Variants in CLSTN2 observed in about 807,000 individuals in gnomAD.
CLSTN2 encodes calsyntenin-2.
A neutral mutation model predicts 101.2 loss-of-function variants in CLSTN2; 48 were observed. The observed-to-expected ratio is 0.47, with a 90% confidence interval of 0.38 to 0.60. The LOEUF (loss-of-function observed/expected upper bound fraction) is 0.60. Among genes scored for constraint, CLSTN2 ranks in the 20% least tolerant of loss-of-function variants. CLSTN2 has a pLI of 0.00. For missense variants in CLSTN2, 1,160 were observed against 1,238.2 expected (o/e 0.94, Z 0.95); for synonymous variants, 481 against 463.6 (o/e 1.04, Z -0.48).
intron 1 of CLSTN2, among the ~76,000 whole-genome samples, chr3:140,046,785 A>T (rs921249642): frequency 6.6e-6 from 1 of 151,814 alleles, no homozygotes; most frequent in Admixed American, 6.6e-5. Flanking sequence ...CTTAGTTTGG[A>T]CAGCTTTGGT....
intron 2 of CLSTN2, among the ~76,000 whole-genome samples, chr3:140,266,791 C>T (rs978490927): frequency 6.6e-6 from 1 of 152,150 alleles, no homozygotes; most frequent in African/African-American, 2.4e-5. Flanking sequence ...GAGACCCAAG[C>T]CGTGGGTCCA....
At chr3:140,108,612 C>G (rs962683176) in intron 1 of CLSTN2, among the ~76,000 whole-genome samples, 1 of 152,092 alleles carries the variant, frequency 6.6e-6, no homozygotes, top group Non-Finnish European at 1.5e-5. Context: ...CAAAATACTC[C>G]AGTCTCAAAT....
At chr3:140,353,637 A>G (rs1396313940) in intron 2 of CLSTN2, among the ~76,000 whole-genome samples, 2 of 152,212 alleles carry the variant, frequency 1.3e-5, no homozygotes, top group Admixed American at 6.5e-5. Context: ...AGTATTAACC[A>G]TCACACCAAT....
chr3:140,078,894 G>T (rs1367428564), intron 1 of CLSTN2, among the ~76,000 whole-genome samples: 1 of 152,140 alleles, frequency 6.6e-6, no homozygotes, highest in Non-Finnish European at 1.5e-5. Flanking sequence ...GTTGATCAAA[G>T]CTAAAGTTTT....
chr3:140,443,164 T>G (rs1932997944), intron 5 of CLSTN2, among the ~76,000 whole-genome samples: 1 of 152,242 alleles, frequency 6.6e-6, no homozygotes, highest in South Asian at 2.1e-4. Flanking sequence ...CTAGAAATCC[T>G]GATGCTTCTC....
intron 2 of CLSTN2, among the ~76,000 whole-genome samples, chr3:140,336,191 G>T (rs2087438050): frequency 6.6e-6 from 1 of 152,212 alleles, no homozygotes; most frequent in Admixed American, 6.5e-5. Flanking sequence ...AGCTACCATG[G>T]AATGCTGACT....
chr3:139,937,049 T>C (rs1935033978), intron 1 of CLSTN2, among the ~76,000 whole-genome samples: 1 of 95,872 alleles, frequency 1.0e-5, no homozygotes, highest in Admixed American at 1.4e-4. Context: ...TCCAAACATC[T>C]CCCCCCTGCT....
intron 2 of CLSTN2, among the ~76,000 whole-genome samples, chr3:140,336,196 C>T (rs907649692): frequency 6.6e-6 from 1 of 152,182 alleles, no homozygotes; most frequent in Non-Finnish European, 1.5e-5. Context: ...CCATGGAATG[C>T]TGACTGTGTG....
At chr3:140,373,995 C>T (rs749466049) in intron 2 of CLSTN2, among the ~76,000 whole-genome samples, 2 of 152,244 alleles carry the variant, frequency 1.3e-5, no homozygotes, top group African/African-American at 4.8e-5. Context: ...GTTGCAGGCC[C>T]TTGTCACTGA....
chr3:140,517,566 A>G (rs966455727), intron 8 of CLSTN2, among the ~76,000 whole-genome samples: 4 of 151,994 alleles, frequency 2.6e-5, no homozygotes, highest in Admixed American at 1.3e-4. Flanking sequence ...TTGAGAACCA[A>G]ATTGCAGTGA....
Position 140,572,840 on chromosome 3 carries a change from A to T in CLSTN2, c.*6587A>T, listed in dbSNP as rs2107799411. 6.6e-6 allele frequency: 1 copy of T among 152,494 alleles called. No homozygotes were observed. 9.4% of individuals were successfully genotyped at this position (152,494 alleles called of 1,614,324 possible). On this transcript the variant is annotated 3_prime_UTR_variant, in exon 17 of 17. Coordinates refer to ENST00000458420, the MANE Select transcript of CLSTN2 (RefSeq NM_022131.3). Reference sequence around the variant, plus strand: ...AACTAACAAGGTAAAATCAATGACTAGTGCAGTGAGGGTGCCAAAGCAAAC... The same window carrying T: ...AACTAACAAGGTAAAATCAATGACTTGTGCAGTGAGGGTGCCAAAGCAAAC...
intron 1 of CLSTN2, among the ~76,000 whole-genome samples, chr3:140,041,567 T>G (rs1219248345): frequency 1.3e-5 from 2 of 152,206 alleles, no homozygotes; most frequent in Non-Finnish European, 1.5e-5. Flanking sequence ...CCTGTCATTT[T>G]GGACTTATCT....
chr3:140,431,221 T>C (rs1484734341), intron 5 of CLSTN2, among the ~76,000 whole-genome samples: 2 of 152,198 alleles, frequency 1.3e-5, no homozygotes, highest in East Asian at 1.9e-4. Context: ...CTTGAAGTTA[T>C]AACGTGTTCA....
At chr3:140,461,148 G>T (rs72985200) in intron 7 of CLSTN2, 1 of 152,108 alleles carries the variant, frequency 6.6e-6, no homozygotes, top group African/African-American at 2.4e-5. Flanking sequence ...TGTTTCAATT[G>T]ATCTTTATAA....
chr3:140,115,287 C>T (rs2009222315), intron 1 of CLSTN2, among the ~76,000 whole-genome samples: 1 of 152,150 alleles, frequency 6.6e-6, no homozygotes, highest in African/African-American at 2.4e-5. Context: ...TAGTGGGGTA[C>T]ATGACATTCA....
In CLSTN2 at chr3:140,556,692, C is replaced by G. The variant is rs371831914; in HGVS notation, c.1823+31C>G. ...TGGACGCTGGTCAGCCTGGGGCCAA[C>G]TGAGGCAGCAGTTGGGAAGGTCCCA... is the stretch of plus-strand genomic sequence containing the variant. On this transcript the variant is annotated intron_variant, in intron 11 of 16. Coordinates refer to ENST00000458420, the MANE Select transcript of CLSTN2 (RefSeq NM_022131.3). 8.1e-6 allele frequency: 13 copies of G among 1,605,804 alleles called. No homozygotes were observed. In the African/African-American group the frequency reaches 1.6e-4, roughly 20 times the overall value.
At chr3:140,486,655 A>G (rs1366357074) in intron 8 of CLSTN2, among the ~76,000 whole-genome samples, 1 of 152,242 alleles carries the variant, frequency 6.6e-6, no homozygotes, top group Admixed American at 6.5e-5. Context: ...CTTGAAATAG[A>G]CAGACAAAAG....
rs77896471 is a variant in CLSTN2, at chr3:140,167,206, G to C, written c.110-8745G>C. Among the ~76,000 whole-genome samples, 277 of 152,316 alleles carry C rather than the reference G, an allele frequency of 1.8e-3. 1 individual carries two copies. Among genetic ancestry groups the C allele is most frequent in the Non-Finnish European group, 3.4e-3 (232 of 68,018 alleles). On this transcript the variant is annotated intron_variant, in intron 1 of 16. Transcript: ENST00000458420. ...AATGCCGTCTCAGTCCAGCACTGTG[G>C]CTGGCCTTGCTCCTTCAAACTCTGT...
intron 2 of CLSTN2, among the ~76,000 whole-genome samples, chr3:140,400,641 G>A (rs915046481): frequency 8.5e-5 from 13 of 152,112 alleles, no homozygotes; most frequent in African/African-American, 2.9e-4. Context: ...TGAGGCTGCA[G>A]TGAGCTATGA....
Sources: gnomAD v4.1 joint callset for allele counts (sites outside exome capture counted in the v4.1 genomes callset) on GRCh38, gnomAD v4.1.1 for gene constraint, MANE v1.5 for transcripts, NCBI Gene and HGNC (gene_info 2026-07-23, HGNC 2026-07-21) for gene names.